STK24: variants seen among roughly 807,000 people sequenced by gnomAD.
The protein encoded by STK24 is serine/threonine kinase 24.
Under a neutral mutation model 55.6 loss-of-function variants are expected in STK24, and 21 were observed. That is an observed-to-expected ratio of 0.38 (90% CI 0.27 to 0.54). The LOEUF is 0.54. STK24 is among the 20% of genes least tolerant of loss of function. The probability of loss-of-function intolerance (pLI) is 0.79; values close to 1 mark genes in which losing one functional copy is unlikely to be tolerated. For missense variants in STK24, 383 were observed against 538.4 expected, an observed-to-expected ratio of 0.71 and a Z score of 2.86; for synonymous variants, 200 against 215.2, an observed-to-expected ratio of 0.93 and a Z score of 0.62.
At chr13:98,535,357 CAAA>C (rs1896689373) in intron 1 of STK24, among the ~76,000 whole-genome samples, 1 of 37,068 alleles carries the variant, frequency 2.7e-5, no homozygotes, top group Non-Finnish European at 7.4e-5. Flanking sequence ...AACAAACAAA[CAAA>C]CAAAAAAAAA....
chr13:98,523,714 A>G (rs368083194), intron 1 of STK24, among the ~76,000 whole-genome samples: 6 of 152,254 alleles, frequency 3.9e-5, no homozygotes, highest in African/African-American at 1.4e-4. Context: ...AGCTGACTGC[A>G]GAGAGCCCAG....
At chr13:98,461,688 G>T (rs186045863) in intron 8 of STK24, 86 bp downstream of exon 8, 5 of 1,564,120 alleles carry the variant, frequency 3.2e-6, no homozygotes, top group Non-Finnish European at 4.4e-6. Context: ...GACCCCAGCC[G>T]CACCCACAGC....
intron 5 of STK24, among the ~76,000 whole-genome samples, chr13:98,469,885 CA>C (rs755320575): frequency 6.6e-6 from 1 of 152,198 alleles, no homozygotes; most frequent in Non-Finnish European, 1.5e-5. Context: ...TCGAAAGCCA[CA>C]AAAATATCCA....
chr13:98,453,039 G>A lies in STK24; in HGVS notation c.*134C>T. On this transcript the variant is annotated 3_prime_UTR_variant, in exon 11 of 11. Coordinates refer to ENST00000539966, the MANE Select transcript of STK24 (RefSeq NM_001032296.4). Reference sequence around the variant, plus strand: ...GAAGACTGTGTGTGTCCCTGGACGGGCGCCTGGCGCTGGGGTGGCTCCCAG... The same window carrying A: ...GAAGACTGTGTGTGTCCCTGGACGGACGCCTGGCGCTGGGGTGGCTCCCAG... 1 of 942,590 alleles carries A rather than the reference G, an allele frequency of 1.1e-6. No individual in the cohort carries two copies. The highest frequency in any genetic ancestry group is 1.6e-6 in the Non-Finnish European group (1 of 620,078). 58.4% of individuals were successfully genotyped at this position (942,590 alleles called of 1,614,324 possible). A position where few individuals can be genotyped will look rare whatever the true frequency, so the allele number is the denominator to read the frequency against.
At position 98,448,132 on chromosome 13, in the gene STK24, C is replaced by A; in HGVS notation, c.*5041G>T. The A allele has an allele frequency of 1.1e-6, 1 of 942,390 alleles. No homozygotes were observed. The highest frequency in any genetic ancestry group is 1.7e-6 in the Non-Finnish European group (1 of 579,816). The allele number at this position is 942,390 out of a possible 1,614,324, so 58.4% of individuals were successfully genotyped here. On this transcript the variant is annotated 3_prime_UTR_variant, in exon 11 of 11. Transcript: ENST00000539966. ...TTCTGCTGAAGTGGCAGATTACCAA[C>A]CAGGCGGCCTGACTTCACCTTGTGT...
chr13:98,520,341 G>C (rs1017683416), intron 1 of STK24, among the ~76,000 whole-genome samples: 2 of 152,112 alleles, frequency 1.3e-5, no homozygotes, highest in Non-Finnish European at 2.9e-5. Context: ...ATGGCACCCC[G>C]GTGACAAGCA....
chr13:98,463,328 G>A (rs1264752244), intron 7 of STK24, among the ~76,000 whole-genome samples: 3 of 152,146 alleles, frequency 2.0e-5, no homozygotes, highest in Admixed American at 1.3e-4. Context: ...ACAAACACAT[G>A]CATTTCTGGC....
Position 98,448,069 on chromosome 13 carries a change from A to G in STK24, c.*5104T>C, listed in dbSNP as rs1892967254. Reference sequence around the variant, plus strand: ...GCCCAGGCCAGTGGGTCTCCACTGTACCTCAGGAACGCCTGGGTGCTGGCT... The same window carrying G: ...GCCCAGGCCAGTGGGTCTCCACTGTGCCTCAGGAACGCCTGGGTGCTGGCT... On this transcript the variant is annotated 3_prime_UTR_variant, in exon 11 of 11. Coordinates refer to ENST00000539966, the MANE Select transcript of STK24 (RefSeq NM_001032296.4). The G allele has an allele frequency of 3.1e-6, 2 of 649,010 alleles. No individual in the cohort carries two copies. The highest frequency in any genetic ancestry group is 3.6e-5 in the African/African-American group (2 of 55,410). 40.2% of individuals were successfully genotyped at this position (649,010 alleles called of 1,614,324 possible).
rs900049946 is a variant in STK24 at position 98,447,576 on chromosome 13, G to A, written c.*5597C>T. Reference sequence around the variant, plus strand: ...CAGCGGCATCCCTGGCCACCCACTAGATGCCCGCAGCAACCCCTCAGTTGG... The same window carrying A: ...CAGCGGCATCCCTGGCCACCCACTAAATGCCCGCAGCAACCCCTCAGTTGG... On this transcript the variant is annotated 3_prime_UTR_variant, in exon 11 of 11. Coordinates refer to ENST00000539966, the MANE Select transcript of STK24 (RefSeq NM_001032296.4). 2 of 152,602 alleles carry A rather than the reference G, an allele frequency of 1.3e-5. No individual in the cohort carries two copies. Among genetic ancestry groups the A allele is most frequent in the African/African-American group, 4.8e-5 (2 of 41,452 alleles). 9.5% of individuals were successfully genotyped at this position (152,602 alleles called of 1,614,324 possible). A position where few individuals can be genotyped will look rare whatever the true frequency, so the allele number is the denominator to read the frequency against.
At chr13:98,464,131 G>A (rs570542290) in intron 6 of STK24, among the ~76,000 whole-genome samples, 6 of 152,272 alleles carry the variant, frequency 3.9e-5, no homozygotes, top group Non-Finnish European at 5.9e-5. Flanking sequence ...GAGCTTAAAT[G>A]ATCTGGTCGG....
intron 2 of STK24, among the ~76,000 whole-genome samples, chr13:98,511,548 C>T (rs1481397799): frequency 1.3e-5 from 2 of 152,174 alleles, no homozygotes; most frequent in South Asian, 2.1e-4. Flanking sequence ...TGGAAACACC[C>T]ACATGTCCTT....
At chr13:98,469,496 C>T (rs1046126589) in intron 5 of STK24, among the ~76,000 whole-genome samples, 3 of 151,016 alleles carry the variant, frequency 2.0e-5, no homozygotes, top group East Asian at 3.9e-4. Context: ...TTGCAGTGAG[C>T]GAGATCATAA....
chr13:98,564,353 GC>G (rs1418554091), intron 1 of STK24, among the ~76,000 whole-genome samples: 1 of 152,248 alleles, frequency 6.6e-6, no homozygotes, highest in Non-Finnish European at 1.5e-5. Context: ...ATGATACAGA[GC>G]TTGCTCGGGG....
chr13:98,509,336 T>A (rs1445713895), intron 2 of STK24, among the ~76,000 whole-genome samples: 2 of 152,096 alleles, frequency 1.3e-5, no homozygotes, highest in Non-Finnish European at 2.9e-5. Context: ...TCAACACAAT[T>A]AGCCATGATT....
At chr13:98,497,019 C>T (rs1296159563) in intron 2 of STK24, among the ~76,000 whole-genome samples, 2 of 152,170 alleles carry the variant, frequency 1.3e-5, no homozygotes, top group African/African-American at 2.4e-5. Context: ...TGTTGGGACC[C>T]GCATTTCTAG....
rs796323294 is a variant in STK24, at chr13:98,492,080, T to C, written c.274-9759A>G. Among the ~76,000 whole-genome samples, 157 of 21,274 alleles carry C rather than the reference T, an allele frequency of 7.4e-3. 2 individuals carry two copies. Among genetic ancestry groups the C allele is most frequent in the African/African-American group, 0.017 (127 of 7,278 alleles). The allele number at this position is 21,274 out of a possible 152,430, so 14.0% of individuals were successfully genotyped here. A position where few individuals can be genotyped will look rare whatever the true frequency, so the allele number is the denominator to read the frequency against. On this transcript the variant is annotated intron_variant, in intron 2 of 10. Coordinates refer to ENST00000539966, the MANE Select transcript of STK24 (RefSeq NM_001032296.4). ...ACCTCCTTTAAAGTGCGTGCGCGTG[T>C]GTGTGTGTGTGTGTGTGTGTGTGTG...
At chr13:98,455,893 C>T (rs1190957383) in intron 10 of STK24, 2 of 152,244 alleles carry the variant, frequency 1.3e-5, no homozygotes, top group Non-Finnish European at 2.9e-5. Context: ...TATTATAAAG[C>T]TCTTTCTAAT....
intron 2 of STK24, among the ~76,000 whole-genome samples, chr13:98,497,417 A>G (rs1292300856): frequency 1.3e-5 from 2 of 152,216 alleles, no homozygotes; most frequent in Non-Finnish European, 2.9e-5. Flanking sequence ...GCCAGATCAA[A>G]AAGAGTAAGA....
At chr13:98,519,501 A>C (rs775290572) in intron 1 of STK24, 28 bp from the exon 2 acceptor site, 2 of 1,577,644 alleles carry the variant, frequency 1.3e-6, no homozygotes, top group Admixed American at 3.4e-5. Context: ...AGAAAAGGGA[A>C]ACTTTAGTCC....
Sources: gnomAD v4.1 joint callset for allele counts (sites outside exome capture counted in the v4.1 genomes callset) on GRCh38, gnomAD v4.1.1 for gene constraint, MANE v1.5 for transcripts, NCBI Gene and HGNC (gene_info 2026-07-23, HGNC 2026-07-21) for gene names.